Variants in NPAS2 observed in about 807,000 individuals in gnomAD.
NPAS2 encodes neuronal PAS domain protein 2.
A neutral mutation model predicts 107.5 loss-of-function variants in NPAS2; 23 were observed. That is an observed-to-expected ratio of 0.21 (90% CI 0.15 to 0.30). The LOEUF (loss-of-function observed/expected upper bound fraction) is 0.30, where lower values mean the gene tolerates loss of function less well. Ranked by LOEUF, NPAS2 falls within the 10% of genes least tolerant of loss-of-function variation. The pLI is 1.00. For missense variants in NPAS2, 756 were observed against 1,043.3 expected (o/e 0.72, Z 3.79); for synonymous variants, 403 against 417.5 (o/e 0.97, Z 0.42).
chr2:100,957,792 A>G (rs998662143), intron 7 of NPAS2, among the ~76,000 whole-genome samples: 2 of 152,110 alleles, frequency 1.3e-5, no homozygotes, highest in East Asian at 1.9e-4. Flanking sequence ...GCCGGGCGCG[A>G]TGGCAGGTGC....
At chr2:100,890,744 C>T (rs898927109) in intron 1 of NPAS2, among the ~76,000 whole-genome samples, 9 of 152,088 alleles carry the variant, frequency 5.9e-5, no homozygotes, top group African/African-American at 2.2e-4. Context: ...AAATCTAATA[C>T]ATCATAAGAG....
At chr2:100,924,342 T>A (rs932641584) in intron 2 of NPAS2, among the ~76,000 whole-genome samples, 1 of 152,226 alleles carries the variant, frequency 6.6e-6, no homozygotes, top group African/African-American at 2.4e-5. Context: ...ACCAGTATGG[T>A]GTCATACAGA....
At chr2:100,826,090 TG>T (rs1487745327) in intron 1 of NPAS2, among the ~76,000 whole-genome samples, 1 of 152,184 alleles carries the variant, frequency 6.6e-6, no homozygotes, top group African/African-American at 2.4e-5. Flanking sequence ...CTGATAACCA[TG>T]GGGCATGTTC....
At chr2:100,847,409 G>A (rs1573453325) in intron 1 of NPAS2, among the ~76,000 whole-genome samples, 1 of 151,000 alleles carries the variant, frequency 6.6e-6, no homozygotes, top group South Asian at 2.1e-4. Flanking sequence ...TCGCTCTTTC[G>A]CCCAGGCTGG....
chr2:100,899,263 G>A (rs1216830068), intron 1 of NPAS2, among the ~76,000 whole-genome samples: 7 of 145,800 alleles, frequency 4.8e-5, no homozygotes, highest in African/African-American at 1.3e-4. Flanking sequence ...TGGCTCTGTC[G>A]CCCAAGCTGG....
chr2:100,881,196 C>A (rs1297364779), intron 1 of NPAS2, among the ~76,000 whole-genome samples: 4 of 152,218 alleles, frequency 2.6e-5, no homozygotes. Flanking sequence ...TCGGCCCCAA[C>A]AGGGATTTCT....
At chr2:100,948,164 C>A in intron 5 of NPAS2, 71 bp from the exon 6 acceptor site, 1 of 1,555,874 alleles carries the variant, frequency 6.4e-7, no homozygotes, top group South Asian at 1.2e-5. Flanking sequence ...TGTGAATGTT[C>A]AATTTTTGTT....
At chr2:100,929,191 C>A (rs1042187256) in intron 3 of NPAS2, among the ~76,000 whole-genome samples, 1 of 152,178 alleles carries the variant, frequency 6.6e-6, no homozygotes, top group African/African-American at 2.4e-5. Context: ...AGACGTGAGC[C>A]ACTGCACCCG....
intron 7 of NPAS2, among the ~76,000 whole-genome samples, chr2:100,953,775 G>T (rs1324755056): frequency 1.3e-5 from 2 of 152,202 alleles, no homozygotes; most frequent in Non-Finnish European, 2.9e-5. Flanking sequence ...ACACATCTGT[G>T]TCGGAATGAA....
intron 1 of NPAS2, among the ~76,000 whole-genome samples, chr2:100,892,332 C>T (rs1030679721): frequency 1.3e-5 from 2 of 152,220 alleles, no homozygotes; most frequent in Non-Finnish European, 2.9e-5. Flanking sequence ...ATGTCACCCT[C>T]TCTCTGAATA....
intron 2 of NPAS2, among the ~76,000 whole-genome samples, chr2:100,912,202 GT>G (rs1182174598): frequency 6.6e-6 from 1 of 151,050 alleles, no homozygotes; most frequent in African/African-American, 2.4e-5. Context: ...TTCTAGAAAG[GT>G]TCAGTTTGCT....
chr2:100,893,333 T>A lies in NPAS2; in HGVS notation c.-22-11400T>A, dbSNP rs186443157. 8.5e-5 allele frequency among the ~76,000 whole-genome samples: 13 copies of A among 152,256 alleles called. No homozygotes were observed. In the East Asian group the frequency reaches 2.5e-3, roughly 29 times the overall value. ...CAGCAATAAATAAACCCCCATCAAT[T>A]GGGGAGATGTGTGTGCTCGGTTTTG... is the stretch of plus-strand genomic sequence containing the variant. On this transcript the variant is annotated intron_variant, in intron 1 of 20. Coordinates refer to ENST00000335681, the MANE Select transcript of NPAS2 (RefSeq NM_002518.4).
At chr2:100,914,090 T>C (rs554059877) in intron 2 of NPAS2, among the ~76,000 whole-genome samples, 5 of 152,188 alleles carry the variant, frequency 3.3e-5, no homozygotes, top group Non-Finnish European at 7.3e-5. Context: ...GTAAATAATA[T>C]GCATTTGTCT....
chr2:100,988,869 C>G, intron 17 of NPAS2: 1 of 248,810 alleles, frequency 4.0e-6, no homozygotes, highest in Non-Finnish European at 7.6e-6. Context: ...CCAGGCCTCT[C>G]TGCTCCTCCA....
chr2:100,899,208 G>A (rs1204362160), intron 1 of NPAS2, among the ~76,000 whole-genome samples: 1 of 150,794 alleles, frequency 6.6e-6, no homozygotes, highest in African/African-American at 2.4e-5. Flanking sequence ...AAGTTTGTCT[G>A]AAAATTATGG....
intron 1 of NPAS2, among the ~76,000 whole-genome samples, chr2:100,891,499 C>T (rs1424193153): frequency 1.3e-5 from 2 of 152,140 alleles, no homozygotes; most frequent in South Asian, 2.1e-4. Context: ...AGGCAATTAA[C>T]CAGATGAGGC....
intron 2 of NPAS2, among the ~76,000 whole-genome samples, chr2:100,924,009 C>G (rs1683405859): frequency 6.6e-6 from 1 of 152,176 alleles, no homozygotes; most frequent in Non-Finnish European, 1.5e-5. Flanking sequence ...GAGGCCCCTC[C>G]TCTCTAACCA....
chr2:100,860,184 T>G (rs1678850813), intron 1 of NPAS2, among the ~76,000 whole-genome samples: 1 of 152,238 alleles, frequency 6.6e-6, no homozygotes, highest in Non-Finnish European at 1.5e-5. Flanking sequence ...AGTCTTCACT[T>G]GTTTTTTGTG....
At chr2:100,973,994 A>G (rs1676782755) in intron 12 of NPAS2, among the ~76,000 whole-genome samples, 1 of 152,144 alleles carries the variant, frequency 6.6e-6, no homozygotes, top group African/African-American at 2.4e-5. Flanking sequence ...GGCGCCTGCC[A>G]CCACGTCCAG....
Sources: gnomAD v4.1 joint callset for allele counts (sites outside exome capture counted in the v4.1 genomes callset) on GRCh38, gnomAD v4.1.1 for gene constraint, MANE v1.5 for transcripts, NCBI Gene and HGNC (gene_info 2026-07-23, HGNC 2026-07-21) for gene names.